CEP112: variants seen among roughly 807,000 people sequenced by gnomAD.
CEP112 encodes centrosomal protein of 112 kDa.
CEP112 carries 127 observed loss-of-function variants against 153.0 expected under a neutral mutation model. The observed-to-expected ratio is 0.83, with a 90% CI of 0.72 to 0.96. The LOEUF (loss-of-function observed/expected upper bound fraction) is 0.96. Among genes scored for constraint, CEP112 ranks in the 40% least tolerant of loss-of-function variants. The pLI, the probability that CEP112 is intolerant of heterozygous loss-of-function variation, is 0.00. For missense variants in CEP112, 1,089 were observed against 1,101.2 expected, an observed-to-expected ratio of 0.99 and a Z score of 0.16; for synonymous variants, 358 against 374.4, an observed-to-expected ratio of 0.96 and a Z score of 0.51.
intron 18 of CEP112, among the ~76,000 whole-genome samples, chr17:65,946,727 TTTTTTA>T (rs1202556436): frequency 2.0e-5 from 3 of 152,170 alleles, no homozygotes; most frequent in African/African-American, 7.2e-5. Context: ...TTTTAAAATT[TTTTTTA>T]TTTTTAAGAT....
chr17:65,923,973 C>T (rs2060825725), intron 19 of CEP112, among the ~76,000 whole-genome samples: 1 of 151,858 alleles, frequency 6.6e-6, no homozygotes, highest in Non-Finnish European at 1.5e-5. Flanking sequence ...AGGTATTTAG[C>T]ATTATTTATT....
intron 21 of CEP112, among the ~76,000 whole-genome samples, chr17:65,802,050 C>T (rs536760669): frequency 2.0e-4 from 30 of 152,246 alleles, no homozygotes; most frequent in Admixed American, 1.2e-3. Flanking sequence ...GGTGGTGATA[C>T]TGTTTATTTA....
chr17:66,040,648 G>A (rs898876770), intron 12 of CEP112, among the ~76,000 whole-genome samples: 2 of 151,634 alleles, frequency 1.3e-5, no homozygotes, highest in Admixed American at 6.6e-5. Context: ...TGCCAACCAC[G>A]CTTGGCGAAT....
Position 65,782,802 on chromosome 17 carries a change from T to C in CEP112, c.2395-32078A>G, listed in dbSNP as rs76031639. 6.6e-5 allele frequency among the ~76,000 whole-genome samples: 10 copies of C among 151,832 alleles called. No individual in the cohort carries two copies. In the East Asian group the frequency reaches 1.8e-3, roughly 27 times the overall value. The stretch of plus-strand genomic sequence containing the variant: ...ACATAAAGATGGCAACAATAGACAC[T>C]GGGGACTACTAGAGGTGGGAGGGAG... On this transcript the variant is annotated intron_variant, in intron 21 of 26. Transcript: ENST00000535342.
At chr17:65,934,188 C>CA (rs912589716) in intron 18 of CEP112, among the ~76,000 whole-genome samples, 2,316 of 140,028 alleles carry the variant, frequency 0.017, 50 homozygotes, top group African/African-American at 0.056. Context: ...GACTCTGTCT[C>CA]AAAAAAAAAA....
chr17:65,974,496 C>T (rs2062959744), intron 17 of CEP112, among the ~76,000 whole-genome samples: 1 of 152,176 alleles, frequency 6.6e-6, no homozygotes, highest in Non-Finnish European at 1.5e-5. Flanking sequence ...AGTATTCCCA[C>T]TCCTAAAAAG....
rs577026879 is a variant in CEP112, at chr17:65,903,878, A to G, written c.1981-1544T>C. On this transcript the variant is annotated intron_variant, in intron 19 of 26. Transcript: ENST00000535342. The stretch of plus-strand genomic sequence containing the variant: ...TCACAAAAAACACATGATTAACTCA[A>G]TAGATGCAGAAAAGGCCTTTGATAA... Among the ~76,000 whole-genome samples the G allele has an allele frequency of 1.0e-3, 153 of 152,366 alleles. 1 individual carries two copies. Among genetic ancestry groups the G allele is most frequent in the Admixed American group, 8.1e-3 (124 of 15,308 alleles).
chr17:65,638,591 C>A (rs2044909118), intron 25 of CEP112, among the ~76,000 whole-genome samples: 1 of 152,154 alleles, frequency 6.6e-6, no homozygotes, highest in Non-Finnish European at 1.5e-5. Flanking sequence ...GCTCAAGTGA[C>A]CCATAGGACA....
Position 65,723,922 on chromosome 17 carries a change from A to T in CEP112, c.2607+19146T>A, listed in dbSNP as rs185476961. Among the ~76,000 whole-genome samples, 9 of 152,370 alleles carry T rather than the reference A, an allele frequency of 5.9e-5. No homozygotes were observed. The East Asian group carries it at 1.7e-3, about 29-fold the overall frequency. On this transcript the variant is annotated intron_variant, in intron 23 of 26. Transcript: ENST00000535342. ...ATCTGTTACTCTGAAATATTTTACCACCAAATCCTGTTTTATTAATGAGAT... is the reference window on the plus strand; with the variant it reads ...ATCTGTTACTCTGAAATATTTTACCTCCAAATCCTGTTTTATTAATGAGAT...
At chr17:65,736,467 G>C (rs373108092) in intron 23 of CEP112, among the ~76,000 whole-genome samples, 1 of 152,182 alleles carries the variant, frequency 6.6e-6, no homozygotes, top group South Asian at 2.1e-4. Flanking sequence ...TTTGAATGGT[G>C]ATGAAAATTC....
At chr17:65,864,497 C>T (rs1348039437) in intron 20 of CEP112, among the ~76,000 whole-genome samples, 1 of 152,224 alleles carries the variant, frequency 6.6e-6, no homozygotes, top group Non-Finnish European at 1.5e-5. Context: ...CATTCTTCCA[C>T]CTTCCTCGAC....
At chr17:65,822,896 G>T (rs1273222285) in intron 21 of CEP112, among the ~76,000 whole-genome samples, 1 of 152,024 alleles carries the variant, frequency 6.6e-6, no homozygotes, top group Non-Finnish European at 1.5e-5. Flanking sequence ...GTTTAGAAAG[G>T]TCACACTGTA....
intron 24 of CEP112, chr17:65,654,847 G>T (rs1371724199): frequency 4.7e-6 from 2 of 427,872 alleles, no homozygotes; most frequent in Non-Finnish European, 8.9e-6. Context: ...ATGAATCAAA[G>T]ACTTAAATTC....
intron 18 of CEP112, among the ~76,000 whole-genome samples, chr17:65,949,546 T>C (rs749831727): frequency 2.0e-5 from 3 of 152,094 alleles, no homozygotes; most frequent in Non-Finnish European, 2.9e-5. Flanking sequence ...ATGCGCCAAA[T>C]TGGGTTCTTC....
chr17:66,136,500 C>T (rs946716719), intron 4 of CEP112, among the ~76,000 whole-genome samples: 3 of 151,702 alleles, frequency 2.0e-5, no homozygotes, highest in African/African-American at 7.3e-5. Context: ...ATTAGAAAAA[C>T]TCATGGTCCA....
At chr17:65,681,087 C>G (rs1011813461) in intron 24 of CEP112, among the ~76,000 whole-genome samples, 1 of 152,170 alleles carries the variant, frequency 6.6e-6, no homozygotes, top group Non-Finnish European at 1.5e-5. Context: ...AGTGGGACAT[C>G]AGGTGGGCAG....
intron 16 of CEP112, among the ~76,000 whole-genome samples, chr17:66,008,897 T>C (rs964482468): frequency 6.6e-6 from 1 of 152,184 alleles, no homozygotes; most frequent in Non-Finnish European, 1.5e-5. Flanking sequence ...CTTCCATCCA[T>C]AGATGAACAC....
In CEP112 at chr17:65,908,582, T is replaced by C. The variant is rs138376248; in HGVS notation, c.1981-6248A>G. Among the ~76,000 whole-genome samples, 344 of 151,978 alleles carry C rather than the reference T, an allele frequency of 2.3e-3. 1 individual carries two copies. The highest frequency in any genetic ancestry group is 7.8e-3 in the African/African-American group (324 of 41,438). On this transcript the variant is annotated intron_variant, in intron 19 of 26. Coordinates refer to ENST00000535342, the MANE Select transcript of CEP112 (RefSeq NM_001199165.4). ...GGTGGTGTATGCACGCAATCCCAGC[T>C]ACTCAGGAGGCTGAAGCAGAAGAAT...
chr17:65,720,835 C>T (rs117573533), intron 23 of CEP112, among the ~76,000 whole-genome samples: 536 of 152,246 alleles, frequency 3.5e-3, no homozygotes, highest in Non-Finnish European at 6.2e-3. Context: ...TCTTGCAATT[C>T]CTATGAGACA....
Sources: gnomAD v4.1 joint callset for allele counts (sites outside exome capture counted in the v4.1 genomes callset) on GRCh38, gnomAD v4.1.1 for gene constraint, MANE v1.5 for transcripts, NCBI Gene and HGNC (gene_info 2026-07-23, HGNC 2026-07-21) for gene names.